Variants in ACSM3 observed in about 807,000 individuals in gnomAD.
The protein encoded by ACSM3 is acyl-CoA synthetase medium chain family member 3.
ACSM3 carries 61 observed loss-of-function variants against 74.1 expected under a neutral mutation model. That is an observed-to-expected ratio of 0.82 (90% CI 0.67 to 1.02). The LOEUF is 1.02. ACSM3 is among the 50% of genes least tolerant of loss of function. ACSM3 has a pLI of 0.00. For missense variants in ACSM3, 660 were observed against 697.0 expected (o/e 0.95, Z 0.60); for synonymous variants, 213 against 241.5 (o/e 0.88, Z 1.09).
At chr16:20,734,618 C>T (rs1371690037) in intron 1 of ACSM3, 1 of 152,174 alleles carries the variant, frequency 6.6e-6, no homozygotes, top group African/African-American at 2.4e-5. Flanking sequence ...AAGTCCATTT[C>T]TACAAGCTAA....
chr16:20,786,435 C>G, intron 9 of ACSM3: 1 of 501,844 alleles, frequency 2.0e-6, no homozygotes, highest in Non-Finnish European at 3.0e-6. Context: ...AATCCCAACA[C>G]TTTGGGAGGC....
chr16:20,693,273 A>G (rs2079672655), intron 1 of ACSM3, among the ~76,000 whole-genome samples: 2 of 152,156 alleles, frequency 1.3e-5, no homozygotes, highest in Non-Finnish European at 2.9e-5. Context: ...AGTAGCATTC[A>G]GGACAGCTGA....
intron 1 of ACSM3, chr16:20,685,350 A>G: frequency 3.1e-6 from 5 of 1,614,162 alleles, no homozygotes; most frequent in Non-Finnish European, 4.2e-6. Flanking sequence ...ACTTTACTTC[A>G]TCCCCTTGGC....
intron 1 of ACSM3, among the ~76,000 whole-genome samples, chr16:20,718,005 GA>G (rs1567323285): frequency 1.5e-4 from 22 of 147,818 alleles, no homozygotes; most frequent in African/African-American, 5.3e-4. Context: ...AGAAGAAGAA[GA>G]AGAAGAAGAA....
intron 5 of ACSM3, 24 bp downstream of exon 5, chr16:20,780,881 T>C (rs998676429): frequency 2.5e-6 from 4 of 1,613,968 alleles, no homozygotes; most frequent in East Asian, 4.5e-5. Context: ...AAAGTGCAGC[T>C]TGAAGTGTCA....
chr16:20,723,057 C>T (rs1161466254), intron 1 of ACSM3, among the ~76,000 whole-genome samples: 1 of 152,148 alleles, frequency 6.6e-6, no homozygotes, highest in Non-Finnish European at 1.5e-5. Context: ...CAACAGGCCC[C>T]AGTGTGTGAT....
At chr16:20,741,725 G>A (rs770313290) in intron 1 of ACSM3, 3 of 1,573,326 alleles carry the variant, frequency 1.9e-6, no homozygotes, top group Non-Finnish European at 8.6e-7. Flanking sequence ...TAGTCTGCTG[G>A]GCAGGGGCCG....
chr16:20,738,000 T>C, intron 1 of ACSM3: 1 of 1,540,656 alleles, frequency 6.5e-7, no homozygotes, highest in Non-Finnish European at 8.8e-7. Context: ...CTCAGACATC[T>C]TAAAGATCGA....
intron 1 of ACSM3, among the ~76,000 whole-genome samples, chr16:20,693,698 C>T (rs1052058036): frequency 6.6e-6 from 1 of 152,130 alleles, no homozygotes; most frequent in Non-Finnish European, 1.5e-5. Flanking sequence ...CAGTTCCTAC[C>T]ACTTTATTTT....
intron 4 of ACSM3, chr16:20,780,501 A>G (rs1200201634): frequency 4.5e-6 from 4 of 893,992 alleles, no homozygotes; most frequent in South Asian, 1.8e-5. Context: ...GCTATTATAA[A>G]TGGGCCTTTG....
intron 2 of ACSM3, among the ~76,000 whole-genome samples, chr16:20,774,098 C>T (rs746011149): frequency 6.6e-5 from 10 of 152,138 alleles, no homozygotes; most frequent in Non-Finnish European, 1.2e-4. Context: ...ATCTATTTAT[C>T]ATTATATAAT....
At chr16:20,783,370 T>C (rs879630709) in intron 7 of ACSM3, 14 of 152,280 alleles carry the variant, frequency 9.2e-5, no homozygotes, top group Non-Finnish European at 2.1e-4. Flanking sequence ...AGACCAGAAG[T>C]CTTTTGGATT....
At chr16:20,692,246 G>C (rs1288718131) in intron 1 of ACSM3, among the ~76,000 whole-genome samples, 1 of 152,200 alleles carries the variant, frequency 6.6e-6, no homozygotes, top group Admixed American at 6.5e-5. Context: ...GAAATCCTGA[G>C]ACTATGTGGC....
At chr16:20,686,503 G>A (rs778444603) in intron 1 of ACSM3, among the ~76,000 whole-genome samples, 9 of 152,112 alleles carry the variant, frequency 5.9e-5, no homozygotes, top group Non-Finnish European at 1.3e-4. Flanking sequence ...AGAGCATTAG[G>A]ACAAATAGCT....
intron 12 of ACSM3, among the ~76,000 whole-genome samples, chr16:20,795,333 G>A (rs1420492710): frequency 6.6e-6 from 1 of 152,124 alleles, no homozygotes. Context: ...AGGGTTTTGG[G>A]TAAAGACAAA....
At chr16:20,750,705 C>T (rs1206404424) in intron 2 of ACSM3, among the ~76,000 whole-genome samples, 2 of 152,146 alleles carry the variant, frequency 1.3e-5, no homozygotes, top group Non-Finnish European at 2.9e-5. Context: ...CACTGGGAAT[C>T]CAGAGTTTGT....
chr16:20,720,911 C>T (rs1464284307), intron 1 of ACSM3: 3 of 152,154 alleles, frequency 2.0e-5, no homozygotes, highest in South Asian at 2.1e-4. Context: ...TTAACTATGA[C>T]AATCCAGATA....
rs780934974 is a variant in ACSM3, at chr16:20,776,000, GC to G, written c.384del (p.Arg129GlyfsTer19). 5 of 1,614,164 alleles carry G rather than the reference GC, an allele frequency of 3.1e-6. No individual in the cohort carries two copies. In the Admixed American group the frequency reaches 5.0e-5, roughly 16 times the overall value. The stretch of plus-strand genomic sequence containing the variant: ...GAGGAGATCGGGTAATTCTGATTCT[GC>G]CCAGGGTCCCAGAGTGGTGGCTTGC... ...QRGDRVILIL[P>X]RVPEWWLANV... On this transcript the variant is annotated frameshift_variant, in exon 3 of 14. Transcript: ENST00000289416. LOFTEE classifies it high-confidence loss of function.
intron 1 of ACSM3, among the ~76,000 whole-genome samples, chr16:20,724,374 A>G (rs1185332683): frequency 1.3e-5 from 2 of 152,200 alleles, no homozygotes; most frequent in East Asian, 1.9e-4. Context: ...TTGATGGGAC[A>G]TATCTCAAAA....
Sources: allele counts gnomAD v4.1 joint callset (sites outside exome capture counted in the v4.1 genomes callset), GRCh38; gene constraint gnomAD v4.1.1; transcripts MANE v1.5; gene names NCBI Gene and HGNC (gene_info 2026-07-23, HGNC 2026-07-21).